The following PICALM variants were observed in gnomAD, a reference collection of about 807,000 sequenced individuals.
The protein encoded by PICALM is phosphatidylinositol binding clathrin assembly protein.
A neutral mutation model predicts 80.5 loss-of-function variants in PICALM; 40 were observed. The ratio of observed to expected loss-of-function variants is 0.50; its 90% confidence interval spans 0.39 to 0.65. The LOEUF (loss-of-function observed/expected upper bound fraction) is 0.65, where lower values mean the gene tolerates loss of function less well. Ranked by LOEUF, PICALM falls within the 30% of genes least tolerant of loss-of-function variation. The pLI is 0.00. For missense variants in PICALM, 676 were observed against 778.9 expected, an observed-to-expected ratio of 0.87 and a Z score of 1.57; for synonymous variants, 288 against 260.3, an observed-to-expected ratio of 1.11 and a Z score of -1.02.
intron 19 of PICALM, among the ~76,000 whole-genome samples, chr11:85,968,146 G>A (rs1006053992): frequency 6.6e-6 from 1 of 152,066 alleles, no homozygotes; most frequent in African/African-American, 2.4e-5. Context: ...CCAGTCTGAT[G>A]TATGCTTGCT....
At chr11:86,065,431 G>C (rs1389691961) in intron 1 of PICALM, among the ~76,000 whole-genome samples, 1 of 150,282 alleles carries the variant, frequency 6.7e-6, no homozygotes, top group Non-Finnish European at 1.5e-5. Context: ...GACAGAGCGA[G>C]ACTCCGTCTC....
At chr11:85,976,178 T>A (rs1315562658) in intron 18 of PICALM, among the ~76,000 whole-genome samples, 1 of 152,188 alleles carries the variant, frequency 6.6e-6, no homozygotes, top group African/African-American at 2.4e-5. Context: ...TTTGAAAGGT[T>A]AAAAGACTGT....
At position 85,989,302 on chromosome 11, in the gene PICALM, T is replaced by C. The variant is rs566713609; in HGVS notation, c.1408+948A>G. Among the ~76,000 whole-genome samples, 9 of 152,334 alleles carry C rather than the reference T, an allele frequency of 5.9e-5. No homozygotes were observed. The East Asian group carries it at 1.7e-3, about 29-fold the overall frequency. On this transcript the variant is annotated intron_variant, in intron 13 of 19. Coordinates refer to ENST00000393346, the MANE Select transcript of PICALM (RefSeq NM_007166.4). ...TTACAACACCTGACTTGGAACTTTG[T>C]CTGATCTACTAACTTGCTTTCTAGT...
intron 4 of PICALM, among the ~76,000 whole-genome samples, chr11:86,021,263 A>C (rs1196390970): frequency 6.6e-6 from 1 of 152,180 alleles, no homozygotes; most frequent in Non-Finnish European, 1.5e-5. Flanking sequence ...AGGGGGAAAA[A>C]TTGCTTGAGC....
At chr11:86,047,635 A>T (rs548518682) in intron 1 of PICALM, among the ~76,000 whole-genome samples, 1 of 152,376 alleles carries the variant, frequency 6.6e-6, no homozygotes, top group African/African-American at 2.4e-5. Context: ...TCTAAGTAAT[A>T]GCAGAAGGGG....
intron 1 of PICALM, among the ~76,000 whole-genome samples, chr11:86,041,779 C>T (rs2137062946): frequency 6.6e-6 from 1 of 152,264 alleles, no homozygotes; most frequent in East Asian, 1.9e-4. Flanking sequence ...GTCTAATCTA[C>T]TGTCTCTTAA....
chr11:85,995,212 A>C (rs2094921107), intron 12 of PICALM, among the ~76,000 whole-genome samples: 1 of 152,254 alleles, frequency 6.6e-6, no homozygotes, highest in African/African-American at 2.4e-5. Flanking sequence ...TCCTTATATG[A>C]AAGTTAAGAC....
intron 5 of PICALM, among the ~76,000 whole-genome samples, chr11:86,013,747 T>A (rs901308157): frequency 6.6e-6 from 1 of 152,228 alleles, no homozygotes; most frequent in African/African-American, 2.4e-5. Context: ...ACTGCATCAG[T>A]ACCCCATGCC....
At chr11:86,020,893 A>T (rs181572450) in intron 4 of PICALM, among the ~76,000 whole-genome samples, 9 of 152,354 alleles carry the variant, frequency 5.9e-5, no homozygotes, top group Admixed American at 2.6e-4. Context: ...TTAATTAATT[A>T]AAAATGTTTG....
intron 1 of PICALM, among the ~76,000 whole-genome samples, chr11:86,038,118 G>A (rs1045501628): frequency 2.6e-5 from 4 of 152,064 alleles, no homozygotes; most frequent in Non-Finnish European, 5.9e-5. Flanking sequence ...TCAGGAGTTC[G>A]AGACCAGCCT....
chr11:86,031,671 C>A, intron 1 of PICALM, 60 bp from the exon 2 acceptor site: 2 of 1,247,790 alleles, frequency 1.6e-6, no homozygotes, highest in South Asian at 1.4e-5. Context: ...ATTGTTAATA[C>A]CAGATCTGCA....
Position 86,040,399 on chromosome 11 carries a change from CCT to C in PICALM, c.131-8790_131-8789del, listed in dbSNP as rs560203583. Among the ~76,000 whole-genome samples, 173 of 152,104 alleles carry C rather than the reference CCT, an allele frequency of 1.1e-3. 3 individuals carry two copies. The highest frequency in any genetic ancestry group is 6.2e-4 in the South Asian group (3 of 4,814). ...TATTTTTATAGAGACGAGGTCTCCC[CCT>C]CTGTTGCCCAGGCTAGTCTGGAACT... On this transcript the variant is annotated intron_variant, in intron 1 of 19. Coordinates refer to ENST00000393346, the MANE Select transcript of PICALM (RefSeq NM_007166.4).
intron 4 of PICALM, among the ~76,000 whole-genome samples, chr11:86,017,770 A>T (rs1283171160): frequency 6.6e-6 from 1 of 152,242 alleles, no homozygotes; most frequent in East Asian, 1.9e-4. Context: ...ATGTGAAAGA[A>T]GTTTAGCAAG....
rs143138589 is a variant in PICALM, at chr11:86,006,334, C to T, written c.807+1208G>A. Reference sequence around the variant, plus strand: ...TGAGTACAGAGAAACTCAATAATAACTGTTAACAAGGCGTTTAAAAGATGT... The same window carrying T: ...TGAGTACAGAGAAACTCAATAATAATTGTTAACAAGGCGTTTAAAAGATGT... On this transcript the variant is annotated intron_variant, in intron 8 of 19. Coordinates refer to ENST00000393346, the MANE Select transcript of PICALM (RefSeq NM_007166.4). Among the ~76,000 whole-genome samples the T allele has an allele frequency of 9.0e-3, 1,375 of 152,252 alleles. 22 individuals are homozygous for T. Among genetic ancestry groups the T allele is most frequent in the African/African-American group, 0.031 (1,305 of 41,540 alleles).
chr11:86,006,912 T>C lies in PICALM; in HGVS notation c.807+630A>G, dbSNP rs147153790. On this transcript the variant is annotated intron_variant, in intron 8 of 19. Coordinates refer to ENST00000393346, the MANE Select transcript of PICALM (RefSeq NM_007166.4). ...AGTTGAGTGTGTTTAATGCTCTAAT[T>C]TTTTTTTTTGGCATTAACTTATTTA... Among the ~76,000 whole-genome samples, 353 of 150,152 alleles carry C rather than the reference T, an allele frequency of 2.4e-3. 2 individuals carry two copies. The highest frequency in any genetic ancestry group is 8.3e-3 in the African/African-American group (339 of 40,742).
intron 19 of PICALM, among the ~76,000 whole-genome samples, chr11:85,964,106 G>A (rs1316200952): frequency 6.6e-6 from 1 of 151,792 alleles, no homozygotes; most frequent in East Asian, 1.9e-4. Flanking sequence ...ATCAAACAAA[G>A]AAAATTTCAG....
At chr11:86,023,700 A>T (rs1286910178) in intron 3 of PICALM, among the ~76,000 whole-genome samples, 2 of 152,278 alleles carry the variant, frequency 1.3e-5, no homozygotes, top group Non-Finnish European at 2.9e-5. Flanking sequence ...TGTTTTCCAT[A>T]GACTTTTAAA....
At chr11:86,024,239 CG>C (rs1593044471) in intron 3 of PICALM, among the ~76,000 whole-genome samples, 1 of 151,722 alleles carries the variant, frequency 6.6e-6, no homozygotes, top group African/African-American at 2.4e-5. Context: ...GTTAGAGCGC[CG>C]TAACTCTTGT....
At chr11:86,022,099 G>A (rs1389944863) in intron 4 of PICALM, among the ~76,000 whole-genome samples, 1 of 152,068 alleles carries the variant, frequency 6.6e-6, no homozygotes, top group Admixed American at 6.5e-5. Flanking sequence ...GGTGATGTTG[G>A]ACAACTTTGT....
Sources: allele counts gnomAD v4.1 joint callset (sites outside exome capture counted in the v4.1 genomes callset), GRCh38; gene constraint gnomAD v4.1.1; transcripts MANE v1.5; gene names NCBI Gene and HGNC (gene_info 2026-07-23, HGNC 2026-07-21).